CNTN5: variants seen among roughly 807,000 people sequenced by gnomAD.
CNTN5 encodes contactin 5, also known as contactin-5.
In CNTN5, 77 loss-of-function variants were observed where a neutral mutation model predicts 129.1. The observed-to-expected ratio is 0.60, with a 90% CI of 0.50 to 0.72. The LOEUF (loss-of-function observed/expected upper bound fraction) is 0.72, where lower values mean the gene tolerates loss of function less well. Among genes scored for constraint, CNTN5 ranks in the 30% least tolerant of loss-of-function variants. The pLI is 0.00. For missense variants in CNTN5, 1,478 were observed against 1,328.8 expected, an observed-to-expected ratio of 1.11 and a Z score of -1.75; for synonymous variants, 509 against 465.6, an observed-to-expected ratio of 1.09 and a Z score of -1.20.
At chr11:99,169,507 A>G (rs889321734) in intron 1 of CNTN5, among the ~76,000 whole-genome samples, 5 of 152,154 alleles carry the variant, frequency 3.3e-5, no homozygotes, top group Non-Finnish European at 7.4e-5. Context: ...GAGGAAAAGA[A>G]AGAAAGTAGG....
chr11:100,292,177 A>G (rs1446069591), intron 18 of CNTN5, among the ~76,000 whole-genome samples: 1 of 151,914 alleles, frequency 6.6e-6, no homozygotes, highest in Non-Finnish European at 1.5e-5. Flanking sequence ...GTGCTCTGGT[A>G]CTTTCCAGGT....
At chr11:99,723,242 C>T (rs1012009941) in intron 3 of CNTN5, among the ~76,000 whole-genome samples, 7 of 151,996 alleles carry the variant, frequency 4.6e-5, no homozygotes, top group African/African-American at 1.7e-4. Flanking sequence ...AAAAAATCCA[C>T]ATTAGCCAAA....
At chr11:99,377,297 T>C (rs1940243614) in intron 2 of CNTN5, among the ~76,000 whole-genome samples, 1 of 152,104 alleles carries the variant, frequency 6.6e-6, no homozygotes, top group African/African-American at 2.4e-5. Flanking sequence ...TATATCTTTA[T>C]AGAGTGGTCT....
Position 99,380,746 on chromosome 11 carries a change from C to G in CNTN5, c.-71+55262C>G, listed in dbSNP as rs1469995737. Reference sequence around the variant, plus strand: ...TCACACCATTGCACTCCAGCCTGGGCAACAAGACTGAAACTCTATCTCAAA... The same window carrying G: ...TCACACCATTGCACTCCAGCCTGGGGAACAAGACTGAAACTCTATCTCAAA... On this transcript the variant is annotated intron_variant, in intron 2 of 24. Coordinates refer to ENST00000524871, the MANE Select transcript of CNTN5 (RefSeq NM_014361.4). Among the ~76,000 whole-genome samples the G allele has an allele frequency of 5.9e-5, 5 of 85,146 alleles. No individual in the cohort carries two copies. In the Admixed American group the frequency reaches 7.2e-4, roughly 12 times the overall value. The allele number at this position is 85,146 out of a possible 152,430, so 55.9% of individuals were successfully genotyped here.
At chr11:99,761,778 C>T in intron 3 of CNTN5, among the ~76,000 whole-genome samples, 1 of 129,036 alleles carries the variant, frequency 7.7e-6, no homozygotes, top group Admixed American at 8.1e-5. Flanking sequence ...GGGTATATAC[C>T]CAGTAATGGG....
intron 9 of CNTN5, among the ~76,000 whole-genome samples, chr11:100,037,934 G>A (rs1041496750): frequency 6.6e-6 from 1 of 152,026 alleles, no homozygotes; most frequent in Non-Finnish European, 1.5e-5. Flanking sequence ...TGGATTCATT[G>A]ATTTTTTGAA....
intron 2 of CNTN5, among the ~76,000 whole-genome samples, chr11:99,331,186 C>G (rs946189559): frequency 6.6e-6 from 1 of 151,926 alleles, no homozygotes; most frequent in African/African-American, 2.4e-5. Flanking sequence ...TTGCAGTAAC[C>G]TTTGGAAGAT....
At chr11:99,181,854 A>T (rs764919568) in intron 1 of CNTN5, among the ~76,000 whole-genome samples, 1 of 152,072 alleles carries the variant, frequency 6.6e-6, no homozygotes, top group Non-Finnish European at 1.5e-5. Flanking sequence ...TGGGGCAGAA[A>T]TTTCCTTGGG....
At chr11:100,040,247 T>C (rs1415164609) in intron 9 of CNTN5, among the ~76,000 whole-genome samples, 1 of 152,180 alleles carries the variant, frequency 6.6e-6, no homozygotes, top group African/African-American at 2.4e-5. Context: ...CAGACCCTGT[T>C]TGCCTGGGTA....
At chr11:99,328,232 G>C (rs541822067) in intron 2 of CNTN5, among the ~76,000 whole-genome samples, 1 of 152,256 alleles carries the variant, frequency 6.6e-6, no homozygotes, top group South Asian at 2.1e-4. Flanking sequence ...AGTGTGGCCA[G>C]AATTGACAAA....
At chr11:99,486,285 A>G (rs1945808674) in intron 2 of CNTN5, among the ~76,000 whole-genome samples, 1 of 152,062 alleles carries the variant, frequency 6.6e-6, no homozygotes, top group Non-Finnish European at 1.5e-5. Flanking sequence ...TGATTATATA[A>G]TAATATTTCC....
At chr11:100,000,791 C>A (rs1939815825) in intron 8 of CNTN5, among the ~76,000 whole-genome samples, 1 of 152,168 alleles carries the variant, frequency 6.6e-6, no homozygotes, top group Non-Finnish European at 1.5e-5. Flanking sequence ...GTTGCCAAAC[C>A]TGAACTCTTG....
intron 13 of CNTN5, among the ~76,000 whole-genome samples, chr11:100,175,477 A>T (rs1947939291): frequency 1.3e-5 from 2 of 152,154 alleles, no homozygotes; most frequent in South Asian, 4.1e-4. Flanking sequence ...CTTCATCTAT[A>T]AAATACAGTG....
At chr11:99,159,220 A>C (rs548963403) in intron 1 of CNTN5, among the ~76,000 whole-genome samples, 1 of 152,342 alleles carries the variant, frequency 6.6e-6, no homozygotes, top group East Asian at 1.9e-4. Context: ...TTCAAGTTAG[A>C]CATATTTTTA....
intron 13 of CNTN5, among the ~76,000 whole-genome samples, chr11:100,166,025 A>G (rs1360576336): frequency 6.6e-6 from 1 of 151,674 alleles, no homozygotes. Context: ...TCTCTGTTCC[A>G]GTTTACCTTC....
intron 1 of CNTN5, chr11:99,120,571 A>G (rs1858267195): frequency 6.6e-6 from 1 of 152,198 alleles, no homozygotes; most frequent in Non-Finnish European, 1.5e-5. Context: ...TGATCTTTAG[A>G]TGCCATTGCT....
intron 6 of CNTN5, among the ~76,000 whole-genome samples, chr11:99,875,058 G>C (rs907429669): frequency 6.6e-6 from 1 of 152,120 alleles, no homozygotes; most frequent in East Asian, 1.9e-4. Context: ...TGTAGCGTTA[G>C]TAAGAATCAA....
intron 1 of CNTN5, among the ~76,000 whole-genome samples, chr11:99,226,982 AAAT>A (rs1223033492): frequency 6.6e-6 from 1 of 152,218 alleles, no homozygotes; most frequent in African/African-American, 2.4e-5. Context: ...GACAAATTTA[AAAT>A]AATTATCACA....
intron 9 of CNTN5, among the ~76,000 whole-genome samples, chr11:100,019,168 A>G (rs1940988782): frequency 6.6e-6 from 1 of 151,806 alleles, no homozygotes; most frequent in South Asian, 2.1e-4. Flanking sequence ...CAAATTTTCA[A>G]TTTTTTGTGG....
Sources: allele counts gnomAD v4.1 joint callset (sites outside exome capture counted in the v4.1 genomes callset), GRCh38; gene constraint gnomAD v4.1.1; transcripts MANE v1.5; gene names NCBI Gene and HGNC (gene_info 2026-07-23, HGNC 2026-07-21).